PDZRN3: variants seen among roughly 807,000 people sequenced by gnomAD.
PDZRN3 encodes the protein E3 ubiquitin-protein ligase PDZRN3.
A neutral mutation model predicts 85.7 loss-of-function variants in PDZRN3; 38 were observed. The observed-to-expected ratio is 0.44, with a 90% confidence interval of 0.34 to 0.58. The LOEUF (loss-of-function observed/expected upper bound fraction) is 0.58, where lower values mean the gene tolerates loss of function less well. Ranked by LOEUF, PDZRN3 falls within the 20% of genes least tolerant of loss-of-function variation. The probability of loss-of-function intolerance (pLI) is 0.01; values close to 1 mark genes in which losing one functional copy is unlikely to be tolerated. For missense variants in PDZRN3, 1,629 were observed against 1,506.4 expected (o/e 1.08, Z -1.35); for synonymous variants, 759 against 638.0 (o/e 1.19, Z -2.86).
At chr3:73,605,617 G>A (rs1559755545) in intron 2 of PDZRN3, among the ~76,000 whole-genome samples, 1 of 152,194 alleles carries the variant, frequency 6.6e-6, no homozygotes, top group Non-Finnish European at 1.5e-5. Context: ...GGGAAACACA[G>A]ACATCATTTG....
rs577016316 is a variant in PDZRN3 at position 73,485,502 on chromosome 3, T to C, written c.919-81107A>G. On this transcript the variant is annotated intron_variant, in intron 3 of 9. Transcript: ENST00000263666. Reference sequence around the variant, plus strand: ...TTCTTCGTGGTTGAAGTAGTTTTCCTACTACTACTTGGCTACTAAAACTTC... The same window carrying C: ...TTCTTCGTGGTTGAAGTAGTTTTCCCACTACTACTTGGCTACTAAAACTTC... Among the ~76,000 whole-genome samples, 27 of 152,256 alleles carry C rather than the reference T, an allele frequency of 1.8e-4. 1 individual carries two copies. In the South Asian group the frequency reaches 3.1e-3, roughly 18 times the overall value.
chr3:73,576,568 G>A (rs1702126465), intron 3 of PDZRN3, among the ~76,000 whole-genome samples: 1 of 152,188 alleles, frequency 6.6e-6, no homozygotes, highest in Non-Finnish European at 1.5e-5. Flanking sequence ...GGTGATGCAA[G>A]TAGAATTCTA....
intron 4 of PDZRN3, among the ~76,000 whole-genome samples, chr3:73,401,377 A>G (rs977260713): frequency 5.3e-5 from 8 of 152,152 alleles, no homozygotes; most frequent in African/African-American, 1.9e-4. Context: ...GTTAGATTTT[A>G]TCTCTGCAGA....
chr3:73,588,577 C>T (rs1391311577), intron 3 of PDZRN3, among the ~76,000 whole-genome samples: 3 of 152,106 alleles, frequency 2.0e-5, no homozygotes, highest in Admixed American at 6.5e-5. Flanking sequence ...TCTACTCCCA[C>T]TAATTAGTTT....
intron 3 of PDZRN3, among the ~76,000 whole-genome samples, chr3:73,592,853 G>C (rs902979127): frequency 1.3e-5 from 2 of 152,074 alleles, no homozygotes; most frequent in Non-Finnish European, 2.9e-5. Context: ...GACAATTTCT[G>C]ATTGTCAACA....
At chr3:73,546,173 G>C (rs956238139) in intron 3 of PDZRN3, among the ~76,000 whole-genome samples, 1 of 152,184 alleles carries the variant, frequency 6.6e-6, no homozygotes. Context: ...ATAACTCTGG[G>C]TGAAATTCAC....
rs1029899672 is a variant in PDZRN3, at chr3:73,497,798, GC to G, written c.919-93404del. Among the ~76,000 whole-genome samples, 12 of 149,268 alleles carry G rather than the reference GC, an allele frequency of 8.0e-5. No individual in the cohort carries two copies. In the South Asian group the frequency reaches 2.3e-3, roughly 29 times the overall value. ...AAAACTCATTTAGGGCCGGCACAGC[GC>G]CCCCCGTCCCCGCCCCCGCCAACAG... On this transcript the variant is annotated intron_variant, in intron 3 of 9. Transcript: ENST00000263666.
intron 3 of PDZRN3, 114 bp downstream of exon 3, chr3:73,602,240 G>A (rs547242015): frequency 2.1e-5 from 14 of 655,338 alleles, no homozygotes; most frequent in East Asian, 7.8e-5. Flanking sequence ...TGAGACTCCC[G>A]CTCAACCATC....
At chr3:73,461,496 T>C (rs967501983) in intron 3 of PDZRN3, among the ~76,000 whole-genome samples, 1 of 152,192 alleles carries the variant, frequency 6.6e-6, no homozygotes, top group Admixed American at 6.5e-5. Flanking sequence ...TAGGTAATGG[T>C]CACCACAAAT....
intron 3 of PDZRN3, among the ~76,000 whole-genome samples, chr3:73,438,055 A>G (rs1413717844): frequency 2.0e-5 from 3 of 152,244 alleles, no homozygotes; most frequent in African/African-American, 7.2e-5. Flanking sequence ...GTTAGTAATC[A>G]CATCACTGGA....
chr3:73,458,356 G>A (rs2106859024), intron 3 of PDZRN3, among the ~76,000 whole-genome samples: 1 of 151,876 alleles, frequency 6.6e-6, no homozygotes, highest in South Asian at 2.1e-4. Flanking sequence ...CCACCTCTAA[G>A]TACTGGTTTC....
At chr3:73,388,092 G>A (rs770786063) in intron 7 of PDZRN3, 23 bp from the exon 8 acceptor site, 2 of 1,024,214 alleles carry the variant, frequency 2.0e-6, no homozygotes, top group African/African-American at 1.6e-5. Context: ...AAGGGGGGGT[G>A]GGGAGAGTGG....
intron 3 of PDZRN3, among the ~76,000 whole-genome samples, chr3:73,597,450 C>T (rs558206646): frequency 5.3e-5 from 8 of 152,212 alleles, no homozygotes; most frequent in South Asian, 2.1e-4. Context: ...GAAGATTGTA[C>T]GAAATAATGG....
intron 3 of PDZRN3, among the ~76,000 whole-genome samples, chr3:73,546,881 A>T (rs1244570455): frequency 3.3e-5 from 5 of 152,228 alleles, no homozygotes. Flanking sequence ...CACCGTATGC[A>T]TCCACATGAA....
chr3:73,575,413 A>G (rs966751133), intron 3 of PDZRN3, among the ~76,000 whole-genome samples: 6 of 151,810 alleles, frequency 4.0e-5, no homozygotes, highest in Non-Finnish European at 7.3e-5. Context: ...GCACCACACA[A>G]GAAGAAGTTG....
intron 3 of PDZRN3, among the ~76,000 whole-genome samples, chr3:73,551,857 A>G (rs1701567057): frequency 6.6e-6 from 1 of 152,016 alleles, no homozygotes; most frequent in African/African-American, 2.4e-5. Flanking sequence ...ATGTGATTTT[A>G]TTTATTTTTC....
At chr3:73,425,946 A>G (rs1037320472) in intron 3 of PDZRN3, among the ~76,000 whole-genome samples, 6 of 152,312 alleles carry the variant, frequency 3.9e-5, no homozygotes, top group South Asian at 2.1e-4. Context: ...CTGCCAATTC[A>G]GATTCATTTG....
intron 3 of PDZRN3, among the ~76,000 whole-genome samples, chr3:73,525,638 T>C (rs563039423): frequency 6.6e-6 from 1 of 152,338 alleles, no homozygotes; most frequent in South Asian, 2.1e-4. Flanking sequence ...AATAACCACA[T>C]GCACTCATGA....
At chr3:73,593,664 T>G (rs558105183) in intron 3 of PDZRN3, among the ~76,000 whole-genome samples, 1 of 151,172 alleles carries the variant, frequency 6.6e-6, no homozygotes, top group East Asian at 1.9e-4. Context: ...AAAGACACTT[T>G]TAAATTACCA....
Sources: allele counts gnomAD v4.1 joint callset (sites outside exome capture counted in the v4.1 genomes callset), GRCh38; gene constraint gnomAD v4.1.1; transcripts MANE v1.5; gene names NCBI Gene and HGNC (gene_info 2026-07-23, HGNC 2026-07-21).